SHANK2: variants seen among roughly 807,000 people sequenced by gnomAD.
SHANK2 encodes SH3 and multiple ankyrin repeat domains protein 2.
In SHANK2, 43 loss-of-function variants were observed where a neutral mutation model predicts 133.7. The ratio of observed to expected loss-of-function variants is 0.32; its 90% CI spans 0.25 to 0.41. SHANK2 has a LOEUF of 0.41. SHANK2 is among the 10% of genes least tolerant of loss of function. The pLI is 1.00. For synonymous variants in SHANK2, 1,017 were observed against 952.8 expected (o/e 1.07, Z -1.24); for missense variants, 1,994 against 2,235.8 (o/e 0.89, Z 2.18).
At chr11:71,113,863 C>A (rs1304739887) in intron 4 of SHANK2, among the ~76,000 whole-genome samples, 1 of 152,234 alleles carries the variant, frequency 6.6e-6, no homozygotes, top group Admixed American at 6.5e-5. Context: ...TCGCTGAAGC[C>A]ACTGTTTTTC....
At chr11:70,501,199 A>C (rs2059045617) in intron 20 of SHANK2, among the ~76,000 whole-genome samples, 1 of 152,200 alleles carries the variant, frequency 6.6e-6, no homozygotes, top group African/African-American at 2.4e-5. Flanking sequence ...CTGAGGCCTC[A>C]TGCCCATCCT....
chr11:71,162,438 A>G (rs782653026), intron 2 of SHANK2, among the ~76,000 whole-genome samples: 9 of 152,186 alleles, frequency 5.9e-5, no homozygotes, highest in Non-Finnish European at 1.0e-4. Context: ...CAATCAACAG[A>G]TGAATTTGGG....
intron 2 of SHANK2, among the ~76,000 whole-genome samples, chr11:71,205,968 A>C (rs1384422750): frequency 6.6e-6 from 1 of 152,142 alleles, no homozygotes; most frequent in African/African-American, 2.4e-5. Flanking sequence ...GAAAAGCTCC[A>C]ATCAGGGCTG....
chr11:71,128,772 C>T (rs1311571561), intron 3 of SHANK2, among the ~76,000 whole-genome samples: 2 of 152,168 alleles, frequency 1.3e-5, no homozygotes, highest in South Asian at 2.1e-4. Flanking sequence ...TGCCCCAGCC[C>T]GAGCTGCCTG....
chr11:70,704,509 T>C (rs1430904199), intron 14 of SHANK2, among the ~76,000 whole-genome samples: 4 of 152,214 alleles, frequency 2.6e-5, no homozygotes, highest in African/African-American at 9.6e-5. Context: ...TGGACTCTCC[T>C]GGGCCCTGTC....
intron 10 of SHANK2, among the ~76,000 whole-genome samples, chr11:70,920,270 T>C (rs1386799222): frequency 1.3e-5 from 2 of 152,188 alleles, no homozygotes; most frequent in African/African-American, 2.4e-5. Flanking sequence ...CATGTATGCA[T>C]GTATGTAGAG....
chr11:71,177,159 T>C (rs1953463875), intron 2 of SHANK2, among the ~76,000 whole-genome samples: 2 of 150,428 alleles, frequency 1.3e-5, no homozygotes, highest in Admixed American at 1.3e-4. Context: ...AGGAGATCTG[T>C]CCTACAATAA....
chr11:70,649,788 T>A (rs1474008099), intron 17 of SHANK2, among the ~76,000 whole-genome samples: 2 of 152,186 alleles, frequency 1.3e-5, no homozygotes, highest in African/African-American at 4.8e-5. Context: ...GTGTACAGCA[T>A]CCACACACAG....
intron 1 of SHANK2, among the ~76,000 whole-genome samples, chr11:71,230,176 G>A (rs1302521825): frequency 6.6e-6 from 1 of 152,118 alleles, no homozygotes; most frequent in Non-Finnish European, 1.5e-5. Flanking sequence ...TGTAAGCCCA[G>A]CTACTTGGGA....
chr11:70,906,717 T>C (rs910984229), intron 10 of SHANK2, among the ~76,000 whole-genome samples: 2 of 152,202 alleles, frequency 1.3e-5, no homozygotes, highest in Non-Finnish European at 1.5e-5. Flanking sequence ...AGGAAGCCAC[T>C]GATGCCCAAA....
rs527587421 is a variant in SHANK2 at position 70,473,681 on chromosome 11, A to G, written c.4980-242T>C. 218 of 583,894 alleles carry G rather than the reference A, an allele frequency of 3.7e-4. No individual in the cohort carries two copies. In the African/African-American group the frequency reaches 3.8e-3, roughly 10 times the overall value. The allele number at this position is 583,894 out of a possible 1,614,324, so 36.2% of individuals were successfully genotyped here. A position where few individuals can be genotyped will look rare whatever the true frequency, so the allele number is the denominator to read the frequency against. On this transcript the variant is annotated intron_variant, in intron 25 of 25. Coordinates refer to ENST00000601538, the MANE Select transcript of SHANK2 (RefSeq NM_012309.5). This position sits in a 1 kb window ranked among gnomAD's most constrained non-coding sequence, Gnocchi z 5.9. ...AGCCCACTCACCTGAACTGGGACAG[A>G]GGGGCTGGGGGACCTGCCTGTGCTG...
At chr11:70,537,364 C>G (rs1591550410) in intron 17 of SHANK2, among the ~76,000 whole-genome samples, 1 of 152,356 alleles carries the variant, frequency 6.6e-6, no homozygotes, top group East Asian at 1.9e-4. Flanking sequence ...TGTTTCTCAA[C>G]AGAATATGAC....
chr11:70,721,812 G>T (rs1476366755), intron 14 of SHANK2, among the ~76,000 whole-genome samples: 1 of 152,214 alleles, frequency 6.6e-6, no homozygotes, highest in Non-Finnish European at 1.5e-5. Flanking sequence ...AACTCTTTTC[G>T]CAAGAAGCAC....
chr11:70,594,572 A>G (rs1554988949), intron 17 of SHANK2, among the ~76,000 whole-genome samples: 1 of 152,214 alleles, frequency 6.6e-6, no homozygotes, highest in Non-Finnish European at 1.5e-5. Context: ...TTAGAGGAGA[A>G]GTAGCTTGGT....
chr11:71,146,866 A>C (rs2135403215), intron 3 of SHANK2, among the ~76,000 whole-genome samples: 1 of 152,248 alleles, frequency 6.6e-6, no homozygotes, highest in East Asian at 1.9e-4. Context: ...GTAGGTGCCC[A>C]GTCAATGTTT....
intron 9 of SHANK2, among the ~76,000 whole-genome samples, chr11:71,058,546 T>C (rs1282437357): frequency 1.3e-5 from 2 of 152,238 alleles, no homozygotes; most frequent in Admixed American, 6.5e-5. Flanking sequence ...GAAGTGCATT[T>C]AAATGATCAG....
intron 14 of SHANK2, among the ~76,000 whole-genome samples, chr11:70,767,945 G>C (rs1947158790): frequency 6.6e-6 from 1 of 152,084 alleles, no homozygotes. Context: ...TTACCACCAG[G>C]GGTCCTCTGG....
chr11:71,152,798 G>GGAGGGTCTTGACCTTGGT (rs1324855356), intron 2 of SHANK2, among the ~76,000 whole-genome samples: 1 of 152,186 alleles, frequency 6.6e-6, no homozygotes, highest in Non-Finnish European at 1.5e-5. Context: ...GATCTGACTG[G>GGAGGGTCTTGACCTTGGT]GAGGGTCTTG....
intron 2 of SHANK2, among the ~76,000 whole-genome samples, chr11:71,187,295 G>A (rs1362669226): frequency 6.6e-6 from 1 of 152,164 alleles, no homozygotes; most frequent in Non-Finnish European, 1.5e-5. Context: ...GTTCTTCATG[G>A]GTTTCTCATG....
Sources: allele counts gnomAD v4.1 joint callset (sites outside exome capture counted in the v4.1 genomes callset), GRCh38; gene constraint gnomAD v4.1.1; non-coding constraint Gnocchi (gnomAD v3.1); transcripts MANE v1.5; gene names NCBI Gene and HGNC (gene_info 2026-07-23, HGNC 2026-07-21).